TIAM2: variants seen among roughly 807,000 people sequenced by gnomAD.
TIAM2 encodes rho guanine nucleotide exchange factor TIAM2.
TIAM2 carries 80 observed loss-of-function variants against 152.9 expected under a neutral mutation model. The observed-to-expected ratio is 0.52, with a 90% CI of 0.44 to 0.63. The LOEUF is 0.63. Among genes scored for constraint, TIAM2 ranks in the 30% least tolerant of loss-of-function variants. TIAM2 has a pLI of 0.00. For missense variants in TIAM2, 1,965 were observed against 2,120.1 expected, an observed-to-expected ratio of 0.93 and a Z score of 1.44; for synonymous variants, 804 against 838.0, an observed-to-expected ratio of 0.96 and a Z score of 0.70.
intron 1 of TIAM2, among the ~76,000 whole-genome samples, chr6:155,083,348 C>CAAA (rs574203207): frequency 2.2e-5 from 2 of 89,922 alleles, no homozygotes; most frequent in African/African-American, 8.4e-5. Flanking sequence ...GACTTTATCT[C>CAAA]AAAAAAAAAA....
chr6:155,073,159 CTTTTTTTTTT>C lies in TIAM2; in HGVS notation c.-208-17117_-208-17108del, dbSNP rs34459359. Among the ~76,000 whole-genome samples the C allele has an allele frequency of 7.0e-4, 74 of 105,314 alleles. 2 individuals are homozygous for C. Among genetic ancestry groups the C allele is most frequent in the African/African-American group, 2.6e-3 (70 of 26,932 alleles). The allele number at this position is 105,314 out of a possible 152,430, so 69.1% of individuals were successfully genotyped here. On this transcript the variant is annotated intron_variant, in intron 1 of 26. Coordinates refer to ENST00000682666, the MANE Select transcript of TIAM2 (RefSeq NM_012454.4). ...TTTCTTGCTTCAGATTGATTAAGTT[CTTTTTTTTTT>C]TTTTTTTTTTTTAGACTAAGTCTCG...
intron 1 of TIAM2, among the ~76,000 whole-genome samples, chr6:155,086,708 G>GGAA (rs1554229184): frequency 3.0e-5 from 4 of 133,522 alleles, no homozygotes; most frequent in Admixed American, 7.7e-5. Context: ...CTCCATCTTG[G>GGAA]AAAAAAAAAA....
chr6:155,209,185 C>T (rs1474955613), intron 14 of TIAM2, among the ~76,000 whole-genome samples: 1 of 151,920 alleles, frequency 6.6e-6, no homozygotes, highest in Non-Finnish European at 1.5e-5. Context: ...CTGCCTCCCC[C>T]TCCCTCACCA....
At chr6:155,208,515 A>G (rs1001769442) in intron 14 of TIAM2, among the ~76,000 whole-genome samples, 6 of 150,756 alleles carry the variant, frequency 4.0e-5, no homozygotes, top group Non-Finnish European at 8.9e-5. Flanking sequence ...TGGACTCTGG[A>G]CTCCCCGACC....
intron 14 of TIAM2, among the ~76,000 whole-genome samples, chr6:155,201,107 T>A (rs1162570812): frequency 2.0e-5 from 3 of 152,198 alleles, no homozygotes; most frequent in Non-Finnish European, 4.4e-5. Flanking sequence ...AGCATAATGT[T>A]TTCAAGGTTC....
chr6:155,234,371 T>C (rs1160313912), intron 15 of TIAM2, among the ~76,000 whole-genome samples: 5 of 152,224 alleles, frequency 3.3e-5, no homozygotes, highest in Admixed American at 6.5e-5. Flanking sequence ...CACTGTAACC[T>C]TGAACTCCTG....
chr6:155,137,256 A>T lies in TIAM2; in HGVS notation c.1274A>T (p.Gln425Leu). 1 of 1,614,238 alleles carries T rather than the reference A, an allele frequency of 6.2e-7. No homozygotes were observed. ...AATACAGATGTGCAGGGATCCTCCC[A>T]GGCATCTGCTTTTCTGTGGTCAGGG... ...GLNTDVQGSS[Q>L]ASAFLWSGGS... Residue 425 changes from glutamine (Q) to leucine (L), a missense_variant, in exon 5 of 27, where the codon CAG becomes CTG. Transcript: ENST00000682666.
chr6:155,249,971 T>A lies in TIAM2; in HGVS notation c.3951+2T>A. On this transcript the variant is annotated splice_donor_variant, in intron 21 of 26. Coordinates refer to ENST00000682666, the MANE Select transcript of TIAM2 (RefSeq NM_012454.4). LOFTEE classifies it high-confidence loss of function. ...GAGCAGAGCGGAACAGAGAAGGAGG[T>A]CCGTGAGACATCTGCACCCTGGGAG... 6.2e-7 allele frequency: 1 copy of A among 1,607,820 alleles called. No homozygotes were observed. Among genetic ancestry groups the A allele is most frequent in the Non-Finnish European group, 8.5e-7 (1 of 1,175,650 alleles).
chr6:155,131,314 C>T (rs1455602083), intron 4 of TIAM2, among the ~76,000 whole-genome samples: 1 of 150,112 alleles, frequency 6.7e-6, no homozygotes, highest in Middle Eastern at 3.2e-3. Flanking sequence ...GAGCTGAGAT[C>T]ACACCTGGGC....
rs779280685 is a variant in TIAM2, at chr6:155,018,978, T to C, written c.-209+23486T>C. ...TCGCTTGAACCTGGGAGGCAGAGGT[T>C]ACAGTGAGCTGAGATCGTGCTAGTG... On this transcript the variant is annotated intron_variant, in intron 1 of 26. Transcript: ENST00000682666. 6.4e-4 allele frequency among the ~76,000 whole-genome samples: 96 copies of C among 149,120 alleles called. 1 individual carries two copies. The highest frequency in any genetic ancestry group is 2.1e-3 in the African/African-American group (85 of 40,436).
At position 155,252,912 on chromosome 6, in the gene TIAM2, C is replaced by T. The variant is rs750463818; in HGVS notation, c.4120-36C>T. The T allele has an allele frequency of 8.3e-6, 13 of 1,573,470 alleles. 1 individual carries two copies. In the South Asian group the frequency reaches 1.2e-4, roughly 15 times the overall value. On this transcript the variant is annotated intron_variant, in intron 23 of 26. Transcript: ENST00000682666. ...ACACATCCTCCCTCAGTGACAGCTT[C>T]CCTAACACTTTTCTTGGTGGGCCTT...
intron 1 of TIAM2, among the ~76,000 whole-genome samples, chr6:155,014,473 C>A (rs953242486): frequency 6.6e-6 from 1 of 151,888 alleles, no homozygotes; most frequent in Non-Finnish European, 1.5e-5. Flanking sequence ...TAATGTAAAT[C>A]TTGCTGAGTT....
chr6:155,035,086 T>C lies in TIAM2; in HGVS notation c.-209+39594T>C, dbSNP rs1369658349. ...AGTTAAGGAGGAAAAGGTAGAAATA[T>C]GGTTTGGAGGGAATGACTTGATTAT... On this transcript the variant is annotated intron_variant, in intron 1 of 26. Coordinates refer to ENST00000682666, the MANE Select transcript of TIAM2 (RefSeq NM_012454.4). Among the ~76,000 whole-genome samples the C allele has an allele frequency of 3.3e-5, 5 of 152,124 alleles. No homozygotes were observed. In the East Asian group the frequency reaches 7.7e-4, roughly 23 times the overall value.
At chr6:155,191,166 G>T (rs903921607) in intron 14 of TIAM2, among the ~76,000 whole-genome samples, 2 of 152,152 alleles carry the variant, frequency 1.3e-5, no homozygotes, top group African/African-American at 2.4e-5. Context: ...AGCTACATCG[G>T]GCAGTGGTGA....
chr6:155,104,034 A>ACCCCCC (rs1278008998), intron 2 of TIAM2, among the ~76,000 whole-genome samples: 2 of 95,956 alleles, frequency 2.1e-5, no homozygotes, highest in Admixed American at 1.1e-4. Context: ...TACCTCACAC[A>ACCCCCC]CACACACCCC....
At chr6:155,228,381 A>C (rs927735944) in intron 15 of TIAM2, among the ~76,000 whole-genome samples, 6 of 152,160 alleles carry the variant, frequency 3.9e-5, no homozygotes, top group African/African-American at 1.4e-4. Context: ...TTGGCGCTTT[A>C]TTGTCCAATC....
At chr6:155,194,742 T>G (rs1191437502) in intron 14 of TIAM2, among the ~76,000 whole-genome samples, 5 of 152,162 alleles carry the variant, frequency 3.3e-5, no homozygotes, top group African/African-American at 4.8e-5. Flanking sequence ...GTCTTCCGCT[T>G]TAAACATTTC....
chr6:155,128,725 G>A (rs769044550), intron 3 of TIAM2, among the ~76,000 whole-genome samples: 1 of 151,264 alleles, frequency 6.6e-6, no homozygotes, highest in Middle Eastern at 3.2e-3. Context: ...CCGAGCTTGA[G>A]AGTGGTAGCA....
At chr6:155,232,565 C>G (rs554339400) in intron 15 of TIAM2, 1 of 152,158 alleles carries the variant, frequency 6.6e-6, no homozygotes, top group Admixed American at 6.5e-5. Flanking sequence ...GCAGCAGAAC[C>G]CTAGTTCTTC....
Sources: allele counts gnomAD v4.1 joint callset (sites outside exome capture counted in the v4.1 genomes callset), GRCh38; gene constraint gnomAD v4.1.1; transcripts MANE v1.5; gene names NCBI Gene and HGNC (gene_info 2026-07-23, HGNC 2026-07-21).